Variants in FHIT observed in about 807,000 individuals in gnomAD.
FHIT encodes the protein fragile histidine triad diadenosine triphosphatase, also known as bis(5'-adenosyl)-triphosphatase.
Under a neutral mutation model 17.9 loss-of-function variants are expected in FHIT, and 19 were observed. That is an observed-to-expected ratio of 1.06 (90% confidence interval 0.74 to 1.56). The LOEUF is 1.56. FHIT is among the 40% of genes most tolerant of loss of function. FHIT has a pLI of 0.00. For synonymous variants in FHIT, 81 were observed against 69.7 expected, an observed-to-expected ratio of 1.16 and a Z score of -0.81; for missense variants, 248 against 189.2, an observed-to-expected ratio of 1.31 and a Z score of -1.82.
Position 60,509,035 on chromosome 3 carries a change from A to G in FHIT, c.103+27825T>C, listed in dbSNP as rs533704298. 1.1e-4 allele frequency among the ~76,000 whole-genome samples: 16 copies of G among 152,220 alleles called. No individual in the cohort carries two copies. The South Asian group carries it at 3.1e-3, about 30-fold the overall frequency. On this transcript the variant is annotated intron_variant, in intron 5 of 9. Coordinates refer to ENST00000492590, the MANE Select transcript of FHIT (RefSeq NM_002012.4). ...GTCTACCAGCTAAGCTTCTCTTCCTATATTCCCACCCAAATTCTTTTGGGG... is the reference window on the plus strand; with the variant it reads ...GTCTACCAGCTAAGCTTCTCTTCCTGTATTCCCACCCAAATTCTTTTGGGG...
At chr3:60,137,722 C>T (rs759895939) in intron 5 of FHIT, among the ~76,000 whole-genome samples, 15 of 147,630 alleles carry the variant, frequency 1.0e-4, no homozygotes, top group Non-Finnish European at 1.8e-4. Context: ...GTCACACAGT[C>T]AGTATCACTT....
intron 8 of FHIT, among the ~76,000 whole-genome samples, chr3:59,874,576 C>T (rs1703067923): frequency 2.0e-5 from 3 of 152,118 alleles, no homozygotes; most frequent in Admixed American, 2.0e-4. Context: ...CCCTCACAGA[C>T]TGAAACGTAC....
chr3:60,782,126 T>C (rs1206986481), intron 4 of FHIT, among the ~76,000 whole-genome samples: 4 of 152,146 alleles, frequency 2.6e-5, no homozygotes, highest in African/African-American at 7.2e-5. Flanking sequence ...TTTTCTTTGC[T>C]AGCTTAGCTG....
intron 8 of FHIT, among the ~76,000 whole-genome samples, chr3:59,868,113 G>A (rs756579010): frequency 2.7e-5 from 4 of 149,762 alleles, no homozygotes; most frequent in Non-Finnish European, 3.0e-5. Context: ...TGGCCCTAGC[G>A]GAAGAGCTAA....
At chr3:60,136,026 T>C (rs1017032380) in intron 5 of FHIT, among the ~76,000 whole-genome samples, 3 of 152,154 alleles carry the variant, frequency 2.0e-5, no homozygotes, top group African/African-American at 7.2e-5. Context: ...TGGTTTACTG[T>C]CCATTGCCTC....
At chr3:60,492,327 C>T (rs1212444000) in intron 5 of FHIT, among the ~76,000 whole-genome samples, 1 of 152,122 alleles carries the variant, frequency 6.6e-6, no homozygotes, top group Non-Finnish European at 1.5e-5. Flanking sequence ...AATTGTTTCT[C>T]ACATTTGAGC....
chr3:60,705,511 A>G (rs1224099999), intron 4 of FHIT, among the ~76,000 whole-genome samples: 1 of 152,252 alleles, frequency 6.6e-6, no homozygotes, highest in Non-Finnish European at 1.5e-5. Context: ...AAAAAATAGA[A>G]AAGGAAAAGC....
In FHIT at chr3:59,928,994, CAAAAAAAAAAAA is replaced by C. The variant is rs56107626; in HGVS notation, c.280-6592_280-6581del. On this transcript the variant is annotated intron_variant, in intron 7 of 9. Transcript: ENST00000492590. Reference sequence around the variant, plus strand: ...TGGGCGACAGAGTGAGACTTCATCTCAAAAAAAAAAAAAAAAAAAAAAAAAAGGACAGATAAT... The same window carrying C: ...TGGGCGACAGAGTGAGACTTCATCTCAAAAAAAAAAAAAAGGACAGATAAT... Among the ~76,000 whole-genome samples, 4 of 33,142 alleles carry C rather than the reference CAAAAAAAAAAAA, an allele frequency of 1.2e-4. No homozygotes were observed. In the South Asian group the frequency reaches 7.3e-3, roughly 60 times the overall value. The allele number at this position is 33,142 out of a possible 152,430, so 21.7% of individuals were successfully genotyped here. A position where few individuals can be genotyped will look rare whatever the true frequency, so the allele number is the denominator to read the frequency against.
intron 8 of FHIT, among the ~76,000 whole-genome samples, chr3:59,775,999 T>C (rs985153793): frequency 8.5e-5 from 13 of 152,250 alleles, no homozygotes; most frequent in African/African-American, 3.1e-4. Flanking sequence ...ATCCCATTAA[T>C]GTTTCTGTGA....
At chr3:61,200,759 T>C (rs957941027) in intron 1 of FHIT, 94 bp from the exon 2 acceptor site, 2 of 152,584 alleles carry the variant, frequency 1.3e-5, no homozygotes, top group South Asian at 2.1e-4. Flanking sequence ...CCATATGCCA[T>C]GGTATATGGT....
chr3:60,971,213 T>A (rs1221359144), intron 3 of FHIT, among the ~76,000 whole-genome samples: 1 of 151,962 alleles, frequency 6.6e-6, no homozygotes, highest in African/African-American at 2.4e-5. Flanking sequence ...ACTAAAAAAG[T>A]ACAAAAGTTA....
At chr3:59,973,282 A>C (rs915520354) in intron 7 of FHIT, among the ~76,000 whole-genome samples, 1 of 152,034 alleles carries the variant, frequency 6.6e-6, no homozygotes, top group Non-Finnish European at 1.5e-5. Context: ...GTCATTTCCT[A>C]CCATATTAAA....
At chr3:59,954,734 G>A (rs1397735870) in intron 7 of FHIT, among the ~76,000 whole-genome samples, 2 of 152,144 alleles carry the variant, frequency 1.3e-5, no homozygotes, top group East Asian at 3.9e-4. Context: ...GGTGTTTCAG[G>A]GCTTCCTTTT....
chr3:60,335,900 A>T (rs974231195), intron 5 of FHIT, among the ~76,000 whole-genome samples: 6 of 152,208 alleles, frequency 3.9e-5, no homozygotes, highest in African/African-American at 1.4e-4. Flanking sequence ...TTAAAAATAC[A>T]TTAAATTACC....
At chr3:60,511,649 C>T (rs2107544583) in intron 5 of FHIT, among the ~76,000 whole-genome samples, 1 of 152,108 alleles carries the variant, frequency 6.6e-6, no homozygotes, top group Non-Finnish European at 1.5e-5. Context: ...ATTTTCCAGT[C>T]CTTTCTAACA....
At chr3:61,175,095 G>C (rs1055066217) in intron 2 of FHIT, among the ~76,000 whole-genome samples, 2 of 151,988 alleles carry the variant, frequency 1.3e-5, no homozygotes, top group African/African-American at 4.8e-5. Flanking sequence ...ACAAAGGTAA[G>C]GTTTACATGC....
At chr3:60,525,562 T>C (rs952311519) in intron 5 of FHIT, among the ~76,000 whole-genome samples, 1 of 152,216 alleles carries the variant, frequency 6.6e-6, no homozygotes, top group African/African-American at 2.4e-5. Flanking sequence ...CCACCCTATG[T>C]TGAATCCCTT....
At chr3:60,622,936 A>G (rs1163961600) in intron 4 of FHIT, among the ~76,000 whole-genome samples, 1 of 152,208 alleles carries the variant, frequency 6.6e-6, no homozygotes, top group African/African-American at 2.4e-5. Flanking sequence ...CAACATTCAG[A>G]TAATTCAGAC....
At chr3:60,116,237 G>A (rs1248070087) in intron 5 of FHIT, among the ~76,000 whole-genome samples, 1 of 152,142 alleles carries the variant, frequency 6.6e-6, no homozygotes, top group Non-Finnish European at 1.5e-5. Context: ...TGTAAGTAAA[G>A]TAGAAATATA....
Sources: allele counts gnomAD v4.1 joint callset (sites outside exome capture counted in the v4.1 genomes callset), GRCh38; gene constraint gnomAD v4.1.1; transcripts MANE v1.5; gene names NCBI Gene and HGNC (gene_info 2026-07-23, HGNC 2026-07-21).